MAP4K5: variants seen among roughly 807,000 people sequenced by gnomAD.
MAP4K5 encodes the protein mitogen-activated protein kinase kinase kinase kinase 5.
In MAP4K5, 82 loss-of-function variants were observed where a neutral mutation model predicts 135.6. The observed-to-expected ratio is 0.60, with a 90% CI of 0.51 to 0.73. MAP4K5 has a LOEUF of 0.73. Among genes scored for constraint, MAP4K5 ranks in the 30% least tolerant of loss-of-function variants. The pLI, the probability that MAP4K5 is intolerant of heterozygous loss-of-function variation, is 0.00. For synonymous variants in MAP4K5, 347 were observed against 335.0 expected (o/e 1.04, Z -0.39); for missense variants, 907 against 1,010.9 (o/e 0.90, Z 1.39).
rs765315993 is a variant in MAP4K5 at position 50,440,018 on chromosome 14, A to G, written c.1700T>C (p.Leu567Ser). The G allele has an allele frequency of 2.6e-6, 4 of 1,548,046 alleles. No homozygotes were observed. The highest frequency in any genetic ancestry group is 3.5e-6 in the Non-Finnish European group (4 of 1,136,070). The change falls in exon 23 of 33, where the codon TTA (leucine) becomes TCA (serine). Residue 567 changes from leucine (L) to serine (S), a missense_variant. By Grantham distance (145) the Leu-to-Ser change is moderately radical. Transcript: ENST00000682126. ...LYVINNTLMSLSEGKTFQLYS... is the reference protein window; with the variant it reads ...LYVINNTLMSSSEGKTFQLYS... ...TTTCATCATCACATACATACCTGAT[A>G]ATGACATTAAAGTATTATTGATAAC...
At chr14:50,549,494 T>C (rs2038675556) in intron 1 of MAP4K5, among the ~76,000 whole-genome samples, 1 of 152,196 alleles carries the variant, frequency 6.6e-6, no homozygotes, top group Admixed American at 6.5e-5. Flanking sequence ...TGCCCTGGAA[T>C]GGTGGGGAAA....
At chr14:50,452,280 C>G (rs796553842) in intron 14 of MAP4K5, among the ~76,000 whole-genome samples, 1 of 152,158 alleles carries the variant, frequency 6.6e-6, no homozygotes, top group African/African-American at 2.4e-5. Flanking sequence ...CACTCTTAGC[C>G]TTCAGGTAAG....
At chr14:50,493,186 A>G (rs1265518590) in intron 3 of MAP4K5, among the ~76,000 whole-genome samples, 1 of 151,960 alleles carries the variant, frequency 6.6e-6, no homozygotes, top group Non-Finnish European at 1.5e-5. Flanking sequence ...TGCAGCCTCA[A>G]ACTCCTGGGC....
At chr14:50,520,610 T>C (rs937800160) in intron 2 of MAP4K5, among the ~76,000 whole-genome samples, 3 of 152,212 alleles carry the variant, frequency 2.0e-5, no homozygotes, top group Admixed American at 2.0e-4. Context: ...GGTTATTCTA[T>C]CTGCCTGAAA....
chr14:50,476,821 G>A (rs185218401), intron 6 of MAP4K5, among the ~76,000 whole-genome samples: 12 of 152,266 alleles, frequency 7.9e-5, no homozygotes, highest in Admixed American at 3.3e-4. Context: ...ACACAATCAA[G>A]ATATCAAATA....
intron 2 of MAP4K5, among the ~76,000 whole-genome samples, chr14:50,527,093 C>T (rs1285505734): frequency 2.6e-5 from 4 of 152,176 alleles, no homozygotes; most frequent in African/African-American, 9.7e-5. Flanking sequence ...GTAATTCCAG[C>T]ACTTTGGGAG....
intron 1 of MAP4K5, among the ~76,000 whole-genome samples, chr14:50,557,741 T>C (rs1416099871): frequency 3.9e-5 from 6 of 152,222 alleles, no homozygotes; most frequent in African/African-American, 1.2e-4. Flanking sequence ...CAATGTCCAC[T>C]GAAAGGGTCT....
chr14:50,460,335 G>A (rs2036684844), intron 13 of MAP4K5, among the ~76,000 whole-genome samples: 1 of 152,042 alleles, frequency 6.6e-6, no homozygotes, highest in African/African-American at 2.4e-5. Context: ...CCAACTGCCT[G>A]GCACGTGGTT....
intron 1 of MAP4K5, among the ~76,000 whole-genome samples, chr14:50,544,673 C>T (rs1386741339): frequency 1.3e-5 from 2 of 152,102 alleles, no homozygotes; most frequent in Non-Finnish European, 2.9e-5. Context: ...GTGGCTCACA[C>T]TTGTAATCTC....
rs1375821589 is a variant in MAP4K5 at position 50,437,907 on chromosome 14, G to A, written c.1810C>T (p.Arg604Ter). The change falls in exon 25 of 33, where the codon CGA (arginine) becomes TGA (stop). Residue 604 changes from arginine (R) to a stop codon, truncating the protein, a stop_gained. Transcript: ENST00000682126. LOFTEE classifies it high-confidence loss of function. ...AHIQTHRFPD[R>*]ILPRKFALTT... ...GATATTTTGTACCTTGGTAGTATTC[G>A]GTCTGGAAACCTGTGAGTTTGAATA... 4 of 1,596,684 alleles carry A rather than the reference G, an allele frequency of 2.5e-6. No homozygotes were observed. The highest frequency in any genetic ancestry group is 2.2e-5 in the East Asian group (1 of 44,732).
At chr14:50,448,969 G>T (rs1038623662) in intron 14 of MAP4K5, 137 bp from the exon 15 acceptor site, 2 of 628,418 alleles carry the variant, frequency 3.2e-6, no homozygotes, top group South Asian at 1.9e-5. Flanking sequence ...GTTATTTTTT[G>T]ACTACAAGAG....
chr14:50,440,909 C>T (rs2036211484), intron 21 of MAP4K5, among the ~76,000 whole-genome samples: 1 of 151,976 alleles, frequency 6.6e-6, no homozygotes, highest in Non-Finnish European at 1.5e-5. Context: ...AATTCTGGGG[C>T]AATAAAAGTA....
intron 3 of MAP4K5, among the ~76,000 whole-genome samples, chr14:50,490,817 G>A (rs1002127301): frequency 6.6e-6 from 1 of 152,126 alleles, no homozygotes; most frequent in African/African-American, 2.4e-5. Flanking sequence ...TACCATCAGT[G>A]CATCAAAATA....
chr14:50,469,339 A>G (rs907610687), intron 9 of MAP4K5, among the ~76,000 whole-genome samples: 6 of 152,222 alleles, frequency 3.9e-5, no homozygotes, highest in Non-Finnish European at 7.3e-5. Flanking sequence ...TTTTTATCTT[A>G]TTTTACAAAT....
intron 9 of MAP4K5, among the ~76,000 whole-genome samples, chr14:50,471,335 A>C (rs2036957438): frequency 6.6e-6 from 1 of 152,176 alleles, no homozygotes; most frequent in Non-Finnish European, 1.5e-5. Context: ...TAGGTTAGTC[A>C]AGTGAAGCAG....
chr14:50,550,344 C>T lies in MAP4K5; in HGVS notation c.-179-7760G>A, dbSNP rs1225440297. On this transcript the variant is annotated intron_variant, in intron 1 of 8. Transcript: ENST00000555216. ...TAATGTTACAAGGAGTAGATATACCCATGAGGGTCCCTACTGAACATCTGT... is the reference window on the plus strand; with the variant it reads ...TAATGTTACAAGGAGTAGATATACCTATGAGGGTCCCTACTGAACATCTGT... 2.0e-5 allele frequency among the ~76,000 whole-genome samples: 3 copies of T among 152,304 alleles called. No individual in the cohort carries two copies. The East Asian group carries it at 5.8e-4, about 29-fold the overall frequency.
intron 2 of MAP4K5, among the ~76,000 whole-genome samples, chr14:50,524,610 C>G (rs535470878): frequency 1.4e-5 from 2 of 147,940 alleles, no homozygotes; most frequent in South Asian, 2.2e-4. Flanking sequence ...ACAGAAAAGC[C>G]CCCCCACCGA....
At chr14:50,548,574 A>G (rs1465904203) in intron 1 of MAP4K5, among the ~76,000 whole-genome samples, 1 of 152,064 alleles carries the variant, frequency 6.6e-6, no homozygotes, top group East Asian at 1.9e-4. Flanking sequence ...CAGTGGCGTG[A>G]TCTCGGGTCA....
chr14:50,433,301 T>C (rs967720967), intron 28 of MAP4K5, among the ~76,000 whole-genome samples: 2 of 152,218 alleles, frequency 1.3e-5, no homozygotes, highest in Admixed American at 6.5e-5. Flanking sequence ...GGGTACATAA[T>C]GTGACCTCTT....
Sources: allele counts gnomAD v4.1 joint callset (sites outside exome capture counted in the v4.1 genomes callset), GRCh38; gene constraint gnomAD v4.1.1; transcripts MANE v1.5; gene names NCBI Gene and HGNC (gene_info 2026-07-23, HGNC 2026-07-21).